Variants in TSEN2 observed in about 807,000 individuals in gnomAD.
TSEN2 encodes the protein tRNA-splicing endonuclease subunit Sen2.
Under a neutral mutation model 59.2 loss-of-function variants are expected in TSEN2, and 54 were observed. That is an observed-to-expected ratio of 0.91 (90% CI 0.73 to 1.14). The LOEUF (loss-of-function observed/expected upper bound fraction) is 1.14. Ranked by LOEUF, TSEN2 falls within the 50% of genes most tolerant of loss-of-function variation. The pLI is 0.00. For missense variants in TSEN2, 636 were observed against 576.2 expected (o/e 1.10, Z -1.06); for synonymous variants, 195 against 198.2 (o/e 0.98, Z 0.14).
In TSEN2 at chr3:12,492,178, T is replaced by A. The variant is rs147239807; in HGVS notation, c.232T>A (p.Phe78Ile). The A allele has an allele frequency of 1.2e-6, 2 of 1,614,064 alleles. No individual in the cohort carries two copies. The highest frequency in any genetic ancestry group is 2.7e-5 in the African/African-American group (2 of 74,938). The change falls in exon 3 of 12, where the codon TTC (phenylalanine) becomes ATC (isoleucine). Residue 78 changes from phenylalanine (F) to isoleucine (I), a missense_variant. Coordinates refer to ENST00000284995, the MANE Select transcript of TSEN2 (RefSeq NM_025265.4). ...KGILSRSRPS[F>I]TISDPKLVAK... is the part of the protein sequence containing the mutation. ...TATTCTTTCAAGAAGCCGTCCAAGC[T>A]TCACAATTTCAGATCCTAAACTGGT...
chr3:12,495,385 G>A (rs904481160), intron 3 of TSEN2, among the ~76,000 whole-genome samples: 18 of 152,058 alleles, frequency 1.2e-4, no homozygotes, highest in East Asian at 1.2e-3. Context: ...ACATGCCATC[G>A]CAGCTAGCTA....
At chr3:12,505,783 CAAAAAAAA>C (rs34334319) in intron 6 of TSEN2, among the ~76,000 whole-genome samples, 1 of 84,684 alleles carries the variant, frequency 1.2e-5, no homozygotes, top group Non-Finnish European at 2.3e-5. Flanking sequence ...AACTCTGTCT[CAAAAAAAA>C]AAAAAAAAAA....
At chr3:12,506,484 A>G (rs3180170) in intron 6 of TSEN2, among the ~76,000 whole-genome samples, 2 of 151,744 alleles carry the variant, frequency 1.3e-5, no homozygotes, top group Non-Finnish European at 2.9e-5. Context: ...AGTCTCAACT[A>G]CTTGGGTGGC....
rs561926122 is a variant in TSEN2 at position 12,499,944 on chromosome 3, C to T, written c.309-3318C>T. Among the ~76,000 whole-genome samples, 213 of 152,290 alleles carry T rather than the reference C, an allele frequency of 1.4e-3. 1 individual carries two copies. Among genetic ancestry groups the T allele is most frequent in the Middle Eastern group, 0.014 (4 of 294 alleles). On this transcript the variant is annotated intron_variant, in intron 4 of 11. Transcript: ENST00000284995. ...CTGTGCACTTCCAGTGATAAAGGGG[C>T]ATTCATCAGTACAACAATAGGGAAC...
downstream of TSEN2, among the ~76,000 whole-genome samples, chr3:12,534,200 G>A (rs2057614975): frequency 6.6e-6 from 1 of 152,186 alleles, no homozygotes; most frequent in South Asian, 2.1e-4. Context: ...CTCTACCTCG[G>A]GTGGGGTGCA....
chr3:12,538,947 T>C (rs760451345), intron 10 of TSEN2: 34 of 313,066 alleles, frequency 1.1e-4, no homozygotes, highest in Non-Finnish European at 1.8e-4. Flanking sequence ...CCTCCATGTG[T>C]CGGGTCAGGC....
chr3:12,537,485 T>C (rs1429883243), downstream of TSEN2, among the ~76,000 whole-genome samples: 1 of 152,230 alleles, frequency 6.6e-6, no homozygotes, highest in African/African-American at 2.4e-5. Flanking sequence ...TTATTTATTT[T>C]AGCTGACTTT....
At chr3:12,521,424 T>A (rs2072469251) in intron 8 of TSEN2, among the ~76,000 whole-genome samples, 1 of 152,182 alleles carries the variant, frequency 6.6e-6, no homozygotes, top group South Asian at 2.1e-4. Flanking sequence ...TCAAAAAGAT[T>A]CAGATATCTG....
rs566970318 is a variant in TSEN2, at chr3:12,516,600, T to C, written c.910-11T>C. The C allele has an allele frequency of 4.3e-6, 7 of 1,613,920 alleles. No individual in the cohort carries two copies. Among genetic ancestry groups the C allele is most frequent in the Non-Finnish European group, 5.9e-6 (7 of 1,179,910 alleles). On this transcript the variant is annotated splice_polypyrimidine_tract_variant and intron_variant, in intron 6 of 11. Transcript: ENST00000284995. ...TTTGTAATGAGCATTTTCTGCTTGCTGTATTTTCAGGCCTTTTTCTTGGTC... is the reference window on the plus strand; with the variant it reads ...TTTGTAATGAGCATTTTCTGCTTGCCGTATTTTCAGGCCTTTTTCTTGGTC...
At chr3:12,531,821 A>G (rs1398478263) in intron 11 of TSEN2, among the ~76,000 whole-genome samples, 162 bp downstream of exon 11, 1 of 152,140 alleles carries the variant, frequency 6.6e-6, no homozygotes, top group Admixed American at 6.5e-5. Flanking sequence ...CATTGAACCC[A>G]TTGGACACGA....
chr3:12,516,464 G>C lies in TSEN2; in HGVS notation c.910-147G>C, dbSNP rs761654828. 2,837 of 686,254 alleles carry C rather than the reference G, an allele frequency of 4.1e-3. 28 individuals carry two copies. The highest frequency in any genetic ancestry group is 4.9e-3 in the Non-Finnish European group (1,864 of 376,802). The allele number at this position is 686,254 out of a possible 1,614,324, so 42.5% of individuals were successfully genotyped here. On this transcript the variant is annotated intron_variant, in intron 6 of 11. Coordinates refer to ENST00000284995, the MANE Select transcript of TSEN2 (RefSeq NM_025265.4). ...AAAATATATGTGTGTGTGTGTGTGT[G>C]TGTGTGTGTGTGTGTGTGTGTGTGA...
intron 3 of TSEN2, among the ~76,000 whole-genome samples, chr3:12,495,939 G>T (rs1268274443): frequency 6.6e-6 from 1 of 152,186 alleles, no homozygotes; most frequent in Non-Finnish European, 1.5e-5. Context: ...TAGGGATTCA[G>T]AAACAGCAGG....
At chr3:12,491,013 CAG>C (rs1385414457) in intron 2 of TSEN2, among the ~76,000 whole-genome samples, 14 of 152,146 alleles carry the variant, frequency 9.2e-5, no homozygotes, top group African/African-American at 3.1e-4. Context: ...TTTTTTGTGA[CAG>C]AGTCTTACCC....
intron 8 of TSEN2, among the ~76,000 whole-genome samples, chr3:12,523,460 A>ACAGAG (rs1186627117): frequency 1.3e-5 from 2 of 149,758 alleles, no homozygotes; most frequent in African/African-American, 4.9e-5. Context: ...ATGGAGGTCA[A>ACAGAG]CAGAGCAGCT....
At position 12,533,616 on chromosome 3, in the gene TSEN2, T is replaced by G. The variant is rs1186934370; in HGVS notation, c.*895T>G. 1 of 140,724 alleles carries G rather than the reference T, an allele frequency of 7.1e-6. No homozygotes were observed. Among genetic ancestry groups the G allele is most frequent in the African/African-American group, 2.7e-5 (1 of 37,732 alleles). The allele number at this position is 140,724 out of a possible 1,614,324, so 8.7% of individuals were successfully genotyped here. ...AAGAGGTTGCAGTGAGCGGAGATTG[T>G]GCCACTGCAATCCAGCCTGAGCAAT... On this transcript the variant is annotated 3_prime_UTR_variant, in exon 12 of 12. Transcript: ENST00000284995.
downstream of TSEN2, among the ~76,000 whole-genome samples, chr3:12,534,268 G>A (rs1348400620): frequency 6.6e-6 from 1 of 152,168 alleles, no homozygotes; most frequent in Non-Finnish European, 1.5e-5. Flanking sequence ...GTGTCAGAAA[G>A]ATTCCATGAC....
intron 10 of TSEN2, chr3:12,531,205 A>AGAATT: frequency 4.3e-6 from 1 of 233,940 alleles, no homozygotes; most frequent in East Asian, 1.0e-4. Context: ...TGTGGGAACT[A>AGAATT]CAAGATGAGA....
At chr3:12,512,378 T>G (rs2055566692) in intron 6 of TSEN2, among the ~76,000 whole-genome samples, 1 of 152,260 alleles carries the variant, frequency 6.6e-6, no homozygotes, top group Non-Finnish European at 1.5e-5. Flanking sequence ...GAAATTGTGC[T>G]TTATTTTTGC....
intron 6 of TSEN2, chr3:12,506,869 T>G: frequency 1.0e-6 from 1 of 985,276 alleles, no homozygotes; most frequent in African/African-American, 1.7e-5. Context: ...AACACATCCA[T>G]GTTGGTAATT....
Sources: gnomAD v4.1 joint callset for allele counts (sites outside exome capture counted in the v4.1 genomes callset) on GRCh38, gnomAD v4.1.1 for gene constraint, MANE v1.5 for transcripts, NCBI Gene and HGNC (gene_info 2026-07-23, HGNC 2026-07-21) for gene names.